Variants in KCNT1 observed in about 807,000 individuals in gnomAD.
KCNT1 encodes the protein potassium channel subfamily T member 1.
In KCNT1, 78 loss-of-function variants were observed where a neutral mutation model predicts 147.8. The observed-to-expected ratio is 0.53, with a 90% confidence interval of 0.44 to 0.64. KCNT1 has a LOEUF of 0.64. Ranked by LOEUF, KCNT1 falls within the 30% of genes least tolerant of loss-of-function variation. KCNT1 has a pLI of 0.00. For missense variants in KCNT1, 1,419 were observed against 1,750.3 expected, an observed-to-expected ratio of 0.81 and a Z score of 3.38; for synonymous variants, 867 against 748.8, an observed-to-expected ratio of 1.16 and a Z score of -2.58.
intron 13 of KCNT1, chr9:135,768,373 C>A: frequency 3.9e-6 from 1 of 256,762 alleles, no homozygotes; most frequent in Non-Finnish European, 6.8e-6. Flanking sequence ...ATGGGGATGC[C>A]CACTGAGGGG....
intron 3 of KCNT1, 140 bp downstream of exon 3, chr9:135,750,317 A>AT: frequency 2.3e-6 from 1 of 431,128 alleles, no homozygotes; most frequent in South Asian, 1.7e-5. Context: ...CTGCGGGGGC[A>AT]TTTGGAAGCA....
intron 2 of KCNT1, among the ~76,000 whole-genome samples, chr9:135,731,965 T>TATAC (rs1190641967): frequency 1.9e-4 from 3 of 15,826 alleles, no homozygotes; most frequent in African/African-American, 7.5e-4. Flanking sequence ...TGCGTGTATA[T>TATAC]ATATATATAT....
intron 24 of KCNT1, among the ~76,000 whole-genome samples, chr9:135,783,105 C>T (rs1279968472): frequency 1.3e-5 from 2 of 152,230 alleles, no homozygotes; most frequent in Non-Finnish European, 2.9e-5. Flanking sequence ...TGGGGCCCTC[C>T]GCTGAAGAAT....
intron 24 of KCNT1, among the ~76,000 whole-genome samples, chr9:135,780,751 T>C (rs1588390512): frequency 6.6e-6 from 1 of 151,804 alleles, no homozygotes; most frequent in Admixed American, 6.6e-5. Flanking sequence ...GGCAGAGGGG[T>C]GTGCTCTGCA....
chr9:135,772,742 C>G lies in KCNT1; in HGVS notation c.2036C>G (p.Thr679Arg). ...ACAGTGGCCATGGACCTGCAGGGCACAGAGCACCGGCCTACGCAGAGCGGC... is the reference window on the plus strand; with the variant it reads ...ACAGTGGCCATGGACCTGCAGGGCAGAGAGCACCGGCCTACGCAGAGCGGC... ...MGTVAMDLQG[T>R]EHRPTQSGGG... The change falls in exon 19 of 31, where the codon ACA (threonine) becomes AGA (arginine). Residue 679 changes from threonine to arginine, a missense_variant. By Grantham distance (71) the Thr-to-Arg change is moderately conservative. This residue lies in a region of KCNT1 where 284 missense variants were observed against 292.8 expected (regional missense o/e 0.97). Coordinates refer to ENST00000371757, the MANE Select transcript of KCNT1 (RefSeq NM_020822.3). The G allele has an allele frequency of 7.0e-7, 1 of 1,431,830 alleles. No individual in the cohort carries two copies. 88.7% of individuals were successfully genotyped at this position (1,431,830 alleles called of 1,614,324 possible).
At chr9:135,720,587 G>A (rs550160390) in intron 2 of KCNT1, among the ~76,000 whole-genome samples, 1 of 152,152 alleles carries the variant, frequency 6.6e-6, no homozygotes, top group South Asian at 2.1e-4. Flanking sequence ...AAGAAGCAGG[G>A]GGCCCAGGCA....
intron 2 of KCNT1, among the ~76,000 whole-genome samples, chr9:135,716,983 G>A (rs960953997): frequency 6.6e-6 from 1 of 152,210 alleles, no homozygotes; most frequent in African/African-American, 2.4e-5. Flanking sequence ...GTGAAGGATG[G>A]GAGTGGACCT....
intron 9 of KCNT1, among the ~76,000 whole-genome samples, chr9:135,757,728 C>T (rs369819489): frequency 3.9e-5 from 6 of 152,144 alleles, no homozygotes; most frequent in African/African-American, 1.4e-4. Context: ...GGCCACGGGG[C>T]CACAGGCAGG....
chr9:135,758,313 G>C, intron 9 of KCNT1, 101 bp from the exon 10 acceptor site: 1 of 881,486 alleles, frequency 1.1e-6, no homozygotes, highest in Non-Finnish European at 1.9e-6. Context: ...ACGCAGGTGT[G>C]GCCGGGCCGT....
chr9:135,791,906 G>A (rs1415615903), intron 30 of KCNT1, 25 bp downstream of exon 30: 2 of 1,612,066 alleles, frequency 1.2e-6, no homozygotes, highest in East Asian at 4.5e-5. Context: ...TGGGCTGTGT[G>A]GAGACCCCCC....
chr9:135,726,860 C>CCTCTCT (rs138631905), intron 2 of KCNT1, among the ~76,000 whole-genome samples: 1 of 92,884 alleles, frequency 1.1e-5, no homozygotes, highest in Non-Finnish European at 2.3e-5. Context: ...CCTCCCTCTC[C>CCTCTCT]CTCTCTCTTT....
chr9:135,747,753 C>G (rs1830916653), intron 2 of KCNT1, among the ~76,000 whole-genome samples: 1 of 152,068 alleles, frequency 6.6e-6, no homozygotes, highest in Non-Finnish European at 1.5e-5. Context: ...CCCATTAGCA[C>G]TGGTTCAGAC....
chr9:135,732,036 A>AGAGAGAGAGAGGGAGAGAGAGAGG (rs1471974281), intron 2 of KCNT1, among the ~76,000 whole-genome samples: 17 of 137,296 alleles, frequency 1.2e-4, no homozygotes, highest in Admixed American at 3.6e-4. Flanking sequence ...AGAGAGAGAG[A>AGAGAGAGAGAGGGAGAGAGAGAGG]GAGAGGGAGT....
intron 29 of KCNT1, chr9:135,788,017 A>T (rs11103189): frequency 9.4e-7 from 1 of 1,066,702 alleles, no homozygotes; most frequent in Non-Finnish European, 1.5e-6. Flanking sequence ...GCACCCGCCC[A>T]CTGTGCCGGC....
intron 11 of KCNT1, among the ~76,000 whole-genome samples, chr9:135,762,446 CAAAAAG>C (rs1294296037): frequency 2.0e-5 from 3 of 151,750 alleles, no homozygotes; most frequent in Admixed American, 6.6e-5. Flanking sequence ...GACCCTGTTT[CAAAAAG>C]AAAAAGAAAA....
At chr9:135,768,029 G>A (rs913878183) in intron 13 of KCNT1, among the ~76,000 whole-genome samples, 1 of 146,978 alleles carries the variant, frequency 6.8e-6, no homozygotes, top group Non-Finnish European at 1.5e-5. Flanking sequence ...GCCCCCACCC[G>A]CTGTCAGCCT....
intron 2 of KCNT1, among the ~76,000 whole-genome samples, chr9:135,716,783 C>T (rs1835737293): frequency 6.6e-6 from 1 of 152,118 alleles, no homozygotes; most frequent in Admixed American, 6.5e-5. Context: ...CCATGGGGTA[C>T]AGGGCATCTG....
At chr9:135,778,257 TAAAG>T (rs1321610470) in intron 21 of KCNT1, 163 bp from the exon 22 acceptor site, 17 of 621,936 alleles carry the variant, frequency 2.7e-5, no homozygotes, top group South Asian at 6.0e-5. Flanking sequence ...TTGAATAAAA[TAAAG>T]AATGGCCCAC....
chr9:135,726,733 TTCCCTCCCTCTC>T (rs1166362224), intron 2 of KCNT1, among the ~76,000 whole-genome samples: 12 of 92,102 alleles, frequency 1.3e-4, no homozygotes, highest in Admixed American at 4.2e-4. Context: ...CTCTCTACCT[TTCCCTCCCTCTC>T]TCCCTCCCTC....
Sources: gnomAD v4.1 joint callset for allele counts (sites outside exome capture counted in the v4.1 genomes callset) on GRCh38, gnomAD v4.1.1 for gene constraint, gnomAD v4.1.1 regional missense constraint, MANE v1.5 for transcripts, NCBI Gene and HGNC (gene_info 2026-07-23, HGNC 2026-07-21) for gene names.